SDK1: variants seen among roughly 807,000 people sequenced by gnomAD.
SDK1 encodes sidekick cell adhesion molecule 1.
SDK1 carries 157 observed loss-of-function variants against 245.5 expected under a neutral mutation model. The observed-to-expected ratio is 0.64, with a 90% CI of 0.56 to 0.73. The LOEUF (loss-of-function observed/expected upper bound fraction) is 0.73. Ranked by LOEUF, SDK1 falls within the 30% of genes least tolerant of loss-of-function variation. SDK1 has a pLI of 0.00. For synonymous variants in SDK1, 1,647 were observed against 1,278.5 expected (o/e 1.29, Z -6.15); for missense variants, 3,583 against 3,002.3 (o/e 1.19, Z -4.52).
At chr7:3,452,363 T>C (rs1040654095) in intron 1 of SDK1, among the ~76,000 whole-genome samples, 1 of 152,198 alleles carries the variant, frequency 6.6e-6, no homozygotes, top group Non-Finnish European at 1.5e-5. Context: ...TACTAGAAAC[T>C]GACAGGTTGT....
chr7:3,779,908 C>T (rs987693926), intron 4 of SDK1, among the ~76,000 whole-genome samples: 10 of 142,314 alleles, frequency 7.0e-5, no homozygotes, highest in East Asian at 2.1e-4. Flanking sequence ...GTCCGCAGTC[C>T]GGCCTGGGCG....
intron 30 of SDK1, among the ~76,000 whole-genome samples, chr7:4,153,765 C>T (rs1780544409): frequency 6.6e-6 from 1 of 152,182 alleles, no homozygotes. Flanking sequence ...CAGCCTCCAA[C>T]TCCTGGGCTC....
At chr7:4,025,286 G>A (rs965125563) in intron 17 of SDK1, among the ~76,000 whole-genome samples, 2 of 152,198 alleles carry the variant, frequency 1.3e-5, no homozygotes, top group East Asian at 1.9e-4. Context: ...AGCTTCCGCC[G>A]AACAGAGGAT....
At chr7:4,091,880 G>T (rs1045586592) in intron 22 of SDK1, among the ~76,000 whole-genome samples, 1 of 152,094 alleles carries the variant, frequency 6.6e-6, no homozygotes. Flanking sequence ...CTGGCCACAC[G>T]TTCTTCTGGG....
intron 4 of SDK1, among the ~76,000 whole-genome samples, chr7:3,696,491 C>G (rs935217464): frequency 6.6e-5 from 10 of 152,178 alleles, no homozygotes; most frequent in African/African-American, 2.2e-4. Flanking sequence ...TAATCCTCAT[C>G]TGAGCCCAGG....
At chr7:3,581,418 A>G (rs1251092889) in intron 1 of SDK1, among the ~76,000 whole-genome samples, 4 of 152,236 alleles carry the variant, frequency 2.6e-5, no homozygotes, top group Non-Finnish European at 4.4e-5. Flanking sequence ...ACTGATCACT[A>G]GGGAAATGCA....
intron 40 of SDK1, among the ~76,000 whole-genome samples, chr7:4,223,450 G>A (rs1484350137): frequency 1.3e-5 from 2 of 152,216 alleles, no homozygotes; most frequent in Non-Finnish European, 2.9e-5. Flanking sequence ...TCCTCCTGAG[G>A]CTGTGAGGGA....
At chr7:4,039,567 A>G (rs1160968094) in intron 17 of SDK1, among the ~76,000 whole-genome samples, 1 of 152,248 alleles carries the variant, frequency 6.6e-6, no homozygotes, top group African/African-American at 2.4e-5. Flanking sequence ...CAATATTGAC[A>G]TTCCTTTTTA....
At chr7:3,555,689 A>G (rs1779566218) in intron 1 of SDK1, among the ~76,000 whole-genome samples, 1 of 152,198 alleles carries the variant, frequency 6.6e-6, no homozygotes, top group Non-Finnish European at 1.5e-5. Context: ...GGGATTAGTA[A>G]CCAGCATATA....
At chr7:3,600,314 G>C (rs773082973) in intron 1 of SDK1, among the ~76,000 whole-genome samples, 1 of 152,174 alleles carries the variant, frequency 6.6e-6, no homozygotes, top group Admixed American at 6.5e-5. Flanking sequence ...GGCTGTGTGA[G>C]TGTGAGTGTT....
At chr7:3,998,167 G>A (rs1784818470) in intron 14 of SDK1, among the ~76,000 whole-genome samples, 2 of 152,210 alleles carry the variant, frequency 1.3e-5, no homozygotes, top group South Asian at 4.1e-4. Context: ...TGCAGCCACG[G>A]TTTGGGCATC....
Position 4,139,749 on chromosome 7 carries a change from G to GTA in SDK1, c.4229-5972_4229-5971insAT, listed in dbSNP as rs1218090356. Among the ~76,000 whole-genome samples, 6 of 144,592 alleles carry GTA rather than the reference G, an allele frequency of 4.1e-5. 1 individual carries two copies. The highest frequency in any genetic ancestry group is 1.5e-4 in the African/African-American group (6 of 39,460). 94.9% of individuals were successfully genotyped at this position (144,592 alleles called of 152,430 possible). A position where few individuals can be genotyped will look rare whatever the true frequency, so the allele number is the denominator to read the frequency against. On this transcript the variant is annotated intron_variant, in intron 28 of 44. Transcript: ENST00000404826. ...TGTGTGTGTGTGTATGTGTGTGTGT[G>GTA]TGTGTGTGTATAATCTTGAAAAGCT...
intron 4 of SDK1, among the ~76,000 whole-genome samples, chr7:3,736,969 T>A (rs1779333638): frequency 6.6e-6 from 1 of 152,228 alleles, no homozygotes; most frequent in Admixed American, 6.5e-5. Flanking sequence ...TTCTACTCTC[T>A]GTTTCTAAGA....
At position 4,144,979 on chromosome 7, in the gene SDK1, T is replaced by C. The variant is rs1161662832; in HGVS notation, c.4229-743T>C. Reference sequence around the variant, plus strand: ...GACTGGAGCTGCAGAGTTAACAAGGTTCCTCCAGATGCCAGCGGGGGAGGC... The same window carrying C: ...GACTGGAGCTGCAGAGTTAACAAGGCTCCTCCAGATGCCAGCGGGGGAGGC... On this transcript the variant is annotated intron_variant, in intron 28 of 44. Coordinates refer to ENST00000404826, the MANE Select transcript of SDK1 (RefSeq NM_152744.4). Among the ~76,000 whole-genome samples the C allele has an allele frequency of 6.6e-5, 10 of 152,110 alleles. No homozygotes were observed. In the East Asian group the frequency reaches 1.9e-3, roughly 29 times the overall value.
rs566271778 is a variant in SDK1, at chr7:4,015,244, G to A, written c.2421-1927G>A. ...AACACCACCCAGCTTCTGAGTGGCC[G>A]TTGAGCAAAGTCTTCCGATGCTGGT... On this transcript the variant is annotated intron_variant, in intron 16 of 44. Coordinates refer to ENST00000404826, the MANE Select transcript of SDK1 (RefSeq NM_152744.4). 9.2e-5 allele frequency among the ~76,000 whole-genome samples: 14 copies of A among 152,286 alleles called. No individual in the cohort carries two copies. In the East Asian group the frequency reaches 1.2e-3, roughly 13 times the overall value.
At chr7:3,328,436 C>G (rs1348951343) in intron 1 of SDK1, among the ~76,000 whole-genome samples, 1 of 151,988 alleles carries the variant, frequency 6.6e-6, no homozygotes. Context: ...TTCAGATGAT[C>G]TGGGTTGCTT....
chr7:3,535,961 C>T (rs889924652), intron 1 of SDK1, among the ~76,000 whole-genome samples: 1 of 151,962 alleles, frequency 6.6e-6, no homozygotes, highest in East Asian at 1.9e-4. Context: ...ATATCTAGTA[C>T]TATAATTTAT....
chr7:3,415,083 C>T lies in SDK1; in HGVS notation c.298+113199C>T, dbSNP rs548189666. 2.6e-5 allele frequency among the ~76,000 whole-genome samples: 4 copies of T among 152,236 alleles called. No homozygotes were observed. The East Asian group carries it at 7.7e-4, about 29-fold the overall frequency. ...ACATTTTCTTTCTTTTGGTTATACA[C>T]ATAGGAGTGTAATTGCTGGGTTTTG... On this transcript the variant is annotated intron_variant, in intron 1 of 44. Transcript: ENST00000404826.
intron 40 of SDK1, among the ~76,000 whole-genome samples, chr7:4,225,422 G>C (rs181465286): frequency 9.2e-5 from 14 of 152,336 alleles, no homozygotes; most frequent in African/African-American, 3.4e-4. Context: ...CGGCCTGTGG[G>C]ATGGGGCGGT....
Sources: gnomAD v4.1 joint callset for allele counts (sites outside exome capture counted in the v4.1 genomes callset) on GRCh38, gnomAD v4.1.1 for gene constraint, MANE v1.5 for transcripts, NCBI Gene and HGNC (gene_info 2026-07-23, HGNC 2026-07-21) for gene names.